The following MOB1B variants were observed in gnomAD, a reference collection of about 807,000 sequenced individuals.
The protein encoded by MOB1B is MOB kinase activator 1B.
MOB1B carries 19 observed loss-of-function variants against 24.4 expected under a neutral mutation model. The ratio of observed to expected loss-of-function variants is 0.78; its 90% CI spans 0.54 to 1.14. The LOEUF (loss-of-function observed/expected upper bound fraction) is 1.14, where lower values mean the gene tolerates loss of function less well. MOB1B is among the 50% of genes most tolerant of loss of function. The probability of loss-of-function intolerance (pLI) is 0.00; values close to 1 mark genes in which losing one functional copy is unlikely to be tolerated. For synonymous variants in MOB1B, 76 were observed against 82.1 expected, an observed-to-expected ratio of 0.93 and a Z score of 0.40; for missense variants, 243 against 259.6, an observed-to-expected ratio of 0.94 and a Z score of 0.44.
chr4:70,957,877 C>T (rs1738134572), intron 1 of MOB1B, among the ~76,000 whole-genome samples: 1 of 151,488 alleles, frequency 6.6e-6, no homozygotes, highest in Non-Finnish European at 1.5e-5. Context: ...ACCTCAGCCT[C>T]TTGAGTAGCT....
chr4:70,965,658 G>T (rs925407645), intron 2 of MOB1B, among the ~76,000 whole-genome samples: 1 of 150,960 alleles, frequency 6.6e-6, no homozygotes, highest in African/African-American at 2.4e-5. Context: ...TTCTCTGGGC[G>T]TGGTGGCGGG....
At chr4:70,927,593 C>T (rs761567764) in intron 1 of MOB1B, among the ~76,000 whole-genome samples, 2 of 151,866 alleles carry the variant, frequency 1.3e-5, no homozygotes, top group African/African-American at 4.8e-5. Context: ...GTAGTGCATT[C>T]ACCTATTCAA....
chr4:70,931,571 A>G (rs1469994903), intron 1 of MOB1B, among the ~76,000 whole-genome samples: 1 of 152,180 alleles, frequency 6.6e-6, no homozygotes, highest in Non-Finnish European at 1.5e-5. Flanking sequence ...TAGGGTTGGA[A>G]AAATTTCTAG....
chr4:70,909,016 A>C (rs1463155681), intron 1 of MOB1B, among the ~76,000 whole-genome samples: 6 of 150,244 alleles, frequency 4.0e-5, no homozygotes, highest in Non-Finnish European at 7.4e-5. Context: ...GTGCCATTGC[A>C]CTCTAGTCTG....
chr4:70,902,389 A>C lies in MOB1B; in HGVS notation c.-148A>C. 1.3e-6 allele frequency: 1 copy of C among 779,592 alleles called. No homozygotes were observed. The highest frequency in any genetic ancestry group is 1.5e-5 in the South Asian group (1 of 68,534). The allele number at this position is 779,592 out of a possible 1,614,324, so 48.3% of individuals were successfully genotyped here. A position where few individuals can be genotyped will look rare whatever the true frequency, so the allele number is the denominator to read the frequency against. On this transcript the variant is annotated 5_prime_UTR_variant, in exon 1 of 6. Coordinates refer to ENST00000309395, the MANE Select transcript of MOB1B (RefSeq NM_173468.4). ...CTGCCATTGGAACTAGCTGAGCCGA[A>C]CTAGTTGCGGCCACCGAGCAGCCGG...
At chr4:70,968,236 C>T (rs1204530168) in intron 2 of MOB1B, among the ~76,000 whole-genome samples, 3 of 152,178 alleles carry the variant, frequency 2.0e-5, no homozygotes, top group African/African-American at 4.8e-5. Context: ...TTGCCTTTCA[C>T]ATTTAGAGGT....
At chr4:70,975,660 A>G (rs1244492657) in intron 4 of MOB1B, 2 of 956,500 alleles carry the variant, frequency 2.1e-6, no homozygotes, top group Non-Finnish European at 2.5e-6. Flanking sequence ...ACACTTTAAA[A>G]AAATTATGAT....
intron 2 of MOB1B, among the ~76,000 whole-genome samples, chr4:70,959,914 G>T (rs890810636): frequency 6.6e-6 from 1 of 151,876 alleles, no homozygotes; most frequent in Non-Finnish European, 1.5e-5. Flanking sequence ...ATCGACTCTT[G>T]CTCTGTCGCC....
rs200465015 is a variant in MOB1B at position 70,975,311 on chromosome 4, A to T, written c.409+25A>T. On this transcript the variant is annotated intron_variant, in intron 4 of 5. Transcript: ENST00000309395. ...GGTATAATTAATTTTTGTAAGGGGG[A>T]TCCATCATGATTTATCTTTTATATG... is the stretch of plus-strand genomic sequence containing the variant. 7.6e-5 allele frequency: 122 copies of T among 1,605,632 alleles called. No individual in the cohort carries two copies. In the East Asian group the frequency reaches 2.7e-3, roughly 36 times the overall value.
chr4:70,911,630 A>G (rs767528717), intron 1 of MOB1B, among the ~76,000 whole-genome samples: 3 of 151,902 alleles, frequency 2.0e-5, no homozygotes, highest in Non-Finnish European at 2.9e-5. Context: ...TACTTTTACC[A>G]TTATTGATTT....
chr4:70,932,037 T>C (rs1405019198), intron 1 of MOB1B, among the ~76,000 whole-genome samples: 5 of 152,170 alleles, frequency 3.3e-5, no homozygotes, highest in African/African-American at 9.7e-5. Context: ...GCTGGTTTTC[T>C]GCTCTTTTCG....
At chr4:70,958,427 A>G (rs1026569988) in intron 1 of MOB1B, among the ~76,000 whole-genome samples, 1 of 152,000 alleles carries the variant, frequency 6.6e-6, no homozygotes, top group Non-Finnish European at 1.5e-5. Context: ...CTCTGCCTCA[A>G]AGTGCTGGGA....
At chr4:70,942,533 T>C (rs1363733422) in intron 1 of MOB1B, among the ~76,000 whole-genome samples, 1 of 152,170 alleles carries the variant, frequency 6.6e-6, no homozygotes, top group Non-Finnish European at 1.5e-5. Flanking sequence ...TGATTAAAGC[T>C]TTCTGCTAGT....
chr4:70,906,074 G>A lies in MOB1B; in HGVS notation c.14+3524G>A, dbSNP rs1026536137. 2.7e-5 allele frequency among the ~76,000 whole-genome samples: 4 copies of A among 149,298 alleles called. No individual in the cohort carries two copies. The Admixed American group carries it at 2.7e-4, about 10-fold the overall frequency. On this transcript the variant is annotated intron_variant, in intron 1 of 5. Transcript: ENST00000309395. ...CCTGGCTGATAGAGAGTGAGACTCTGTCTTAAAAAAAAAAGGCCGGTCGCG... is the reference window on the plus strand; with the variant it reads ...CCTGGCTGATAGAGAGTGAGACTCTATCTTAAAAAAAAAAGGCCGGTCGCG...
chr4:70,978,180 A>G (rs1054259250), intron 4 of MOB1B, among the ~76,000 whole-genome samples: 1 of 152,178 alleles, frequency 6.6e-6, no homozygotes, highest in African/African-American at 2.4e-5. Context: ...AGGTTATACA[A>G]TATTTTTCTT....
chr4:70,937,557 G>A (rs569837398), intron 1 of MOB1B, among the ~76,000 whole-genome samples: 1 of 151,532 alleles, frequency 6.6e-6, no homozygotes, highest in African/African-American at 2.4e-5. Context: ...TGTCACCCAG[G>A]CCGGAATGCA....
intron 1 of MOB1B, among the ~76,000 whole-genome samples, chr4:70,904,419 A>T (rs1735655106): frequency 6.6e-6 from 1 of 152,094 alleles, no homozygotes; most frequent in Non-Finnish European, 1.5e-5. Context: ...AGCACTGTAG[A>T]TGATATCCAT....
chr4:70,903,974 CTT>C (rs754257097), intron 1 of MOB1B, among the ~76,000 whole-genome samples: 268 of 80,978 alleles, frequency 3.3e-3, no homozygotes, highest in Non-Finnish European at 4.6e-3. Flanking sequence ...TATTTTAGTT[CTT>C]TTTTTTTTTT....
At position 70,988,168 on chromosome 4, in the gene MOB1B, A is replaced by C. The variant is rs942677006; in HGVS notation, c.*6111A>C. The C allele has an allele frequency of 2.0e-5, 3 of 152,512 alleles. No homozygotes were observed. Among genetic ancestry groups the C allele is most frequent in the Non-Finnish European group, 4.4e-5 (3 of 67,994 alleles). The allele number at this position is 152,512 out of a possible 1,614,324, so 9.4% of individuals were successfully genotyped here. ...AATAAATAGTTACGTTTGGCCATGA[A>C]TCCTGACTTTGCATTACTGTTTATT... is the stretch of plus-strand genomic sequence containing the variant. On this transcript the variant is annotated 3_prime_UTR_variant, in exon 6 of 6. Coordinates refer to ENST00000309395, the MANE Select transcript of MOB1B (RefSeq NM_173468.4).
Sources: allele counts gnomAD v4.1 joint callset (sites outside exome capture counted in the v4.1 genomes callset), GRCh38; gene constraint gnomAD v4.1.1; transcripts MANE v1.5; gene names NCBI Gene and HGNC (gene_info 2026-07-23, HGNC 2026-07-21).